The following LINGO2 variants were observed in gnomAD, a reference collection of about 807,000 sequenced individuals.
LINGO2 encodes the protein leucine-rich repeat and immunoglobulin-like domain-containing nogo receptor-interacting protein 2.
In LINGO2, 14 loss-of-function variants were observed where a neutral mutation model predicts 30.6. That is an observed-to-expected ratio of 0.46 (90% CI 0.30 to 0.72). LINGO2 has a LOEUF of 0.72. Ranked by LOEUF, LINGO2 falls within the 30% of genes least tolerant of loss-of-function variation. The pLI is 0.07. For missense variants in LINGO2, 729 were observed against 751.7 expected (o/e 0.97, Z 0.35); for synonymous variants, 317 against 288.5 (o/e 1.10, Z -1.00).
At chr9:28,215,647 G>A (rs1240560199) in intron 4 of LINGO2, among the ~76,000 whole-genome samples, 2 of 149,992 alleles carry the variant, frequency 1.3e-5, no homozygotes, top group Non-Finnish European at 1.5e-5. Flanking sequence ...GGTTGTGCAT[G>A]TGTCTTTGTG....
chr9:27,992,652 C>A (rs988480046), intron 5 of LINGO2, among the ~76,000 whole-genome samples: 2 of 151,950 alleles, frequency 1.3e-5, no homozygotes, highest in Admixed American at 1.3e-4. Context: ...ATACTATAAA[C>A]ACATTATACA....
intron 1 of LINGO2, among the ~76,000 whole-genome samples, chr9:28,543,150 A>G (rs1340174556): frequency 6.6e-6 from 1 of 152,130 alleles, no homozygotes; most frequent in East Asian, 1.9e-4. Flanking sequence ...GACAGTAGGG[A>G]ATATGAGACT....
At chr9:28,585,646 C>A (rs1369995379) in intron 1 of LINGO2, among the ~76,000 whole-genome samples, 1 of 151,986 alleles carries the variant, frequency 6.6e-6, no homozygotes, top group Non-Finnish European at 1.5e-5. Context: ...ATGATGTCCA[C>A]AAGTTAGCTG....
At chr9:28,608,565 T>G (rs879926407) in intron 1 of LINGO2, among the ~76,000 whole-genome samples, 4 of 151,958 alleles carry the variant, frequency 2.6e-5, no homozygotes, top group Non-Finnish European at 5.9e-5. Flanking sequence ...AGAACTAGGT[T>G]TGTTGAAGTT....
intron 1 of LINGO2, among the ~76,000 whole-genome samples, chr9:28,590,571 T>G (rs1270960407): frequency 5.9e-5 from 9 of 152,090 alleles, no homozygotes; most frequent in Non-Finnish European, 1.0e-4. Context: ...TCATCATCAC[T>G]GGCCATCAGA....
intron 3 of LINGO2, among the ~76,000 whole-genome samples, chr9:28,296,098 G>A (rs930045136): frequency 2.6e-5 from 4 of 152,302 alleles, no homozygotes; most frequent in Admixed American, 2.0e-4. Context: ...AATGTACCAC[G>A]TATTTAATGA....
At chr9:28,782,264 A>G in the LINGO2 span, among the ~76,000 whole-genome samples, 6 of 152,322 alleles carry the variant, frequency 3.9e-5, no homozygotes, top group East Asian at 9.6e-4. Context: ...AGAAATTTTC[A>G]TTAGAAACTC....
intron 1 of LINGO2, among the ~76,000 whole-genome samples, chr9:28,649,782 T>C (rs1037617366): frequency 6.6e-6 from 1 of 151,472 alleles, no homozygotes; most frequent in African/African-American, 2.4e-5. Flanking sequence ...ATTAAAAAAA[T>C]AAAAATACAA....
At chr9:28,919,177 C>T in the LINGO2 span, among the ~76,000 whole-genome samples, 1 of 152,140 alleles carries the variant, frequency 6.6e-6, no homozygotes, top group Non-Finnish European at 1.5e-5. Context: ...TACAAGTGCA[C>T]TGGCTGAACT....
chr9:28,316,476 A>T (rs997565339), intron 3 of LINGO2, among the ~76,000 whole-genome samples: 1 of 152,192 alleles, frequency 6.6e-6, no homozygotes, highest in Non-Finnish European at 1.5e-5. Context: ...GGAAGTAGGG[A>T]ATAGAGGCAA....
At chr9:28,771,521 G>GAT in the LINGO2 span, among the ~76,000 whole-genome samples, 1 of 148,278 alleles carries the variant, frequency 6.7e-6, no homozygotes, top group Non-Finnish European at 1.5e-5. Context: ...GAGAGAGAGA[G>GAT]ATTCAGAGAA....
intron 2 of LINGO2, among the ~76,000 whole-genome samples, chr9:28,378,054 T>C (rs1246777456): frequency 6.6e-6 from 1 of 152,242 alleles, no homozygotes; most frequent in Non-Finnish European, 1.5e-5. Context: ...AAATCATTTA[T>C]ACTTTCTATT....
chr9:27,980,668 G>C (rs1050972504), intron 5 of LINGO2, among the ~76,000 whole-genome samples: 3 of 151,804 alleles, frequency 2.0e-5, no homozygotes, highest in African/African-American at 7.3e-5. Flanking sequence ...TTCATTTCTG[G>C]TCCTCAGTGA....
rs187193934 is a variant in LINGO2, at chr9:28,259,474, C to A, written c.-87+35734G>T. 4.6e-5 allele frequency among the ~76,000 whole-genome samples: 7 copies of A among 151,620 alleles called. No homozygotes were observed. In the East Asian group the frequency reaches 1.4e-3, roughly 30 times the overall value. ...AAGAAGGGATGTTGATTTTACTTGC[C>A]GATAGCTTGGGGTCTGAGTTGGTGA... On this transcript the variant is annotated intron_variant, in intron 4 of 5. Coordinates refer to ENST00000379992, the Ensembl canonical transcript of LINGO2.
chr9:28,566,851 C>A (rs10117773), intron 1 of LINGO2, among the ~76,000 whole-genome samples: 43,458 of 152,024 alleles, frequency 0.29, 7,455 homozygotes, highest in African/African-American at 0.47. Flanking sequence ...ATGCTTTCAT[C>A]TAAAATATTT....
At chr9:28,631,647 A>T (rs1295875734) in intron 1 of LINGO2, among the ~76,000 whole-genome samples, 9 of 152,112 alleles carry the variant, frequency 5.9e-5, no homozygotes. Flanking sequence ...GAGAACGTTA[A>T]TATTTTATTG....
At chr9:28,691,996 A>T in the LINGO2 span, among the ~76,000 whole-genome samples, 1 of 152,162 alleles carries the variant, frequency 6.6e-6, no homozygotes, top group African/African-American at 2.4e-5. Flanking sequence ...ATCTAATCTC[A>T]TCCCTCATTA....
chr9:28,586,362 G>A (rs558531748), intron 1 of LINGO2, among the ~76,000 whole-genome samples: 20 of 151,942 alleles, frequency 1.3e-4, no homozygotes, highest in Admixed American at 1.2e-3. Flanking sequence ...ATTTTTTAAT[G>A]TGTTATCAAT....
At chr9:29,198,559 T>C in the LINGO2 span, among the ~76,000 whole-genome samples, 1 of 152,156 alleles carries the variant, frequency 6.6e-6, no homozygotes, top group Non-Finnish European at 1.5e-5. Context: ...AGTCCTCTCC[T>C]AAGACCAGTG....
Sources: allele counts gnomAD v4.1 joint callset (sites outside exome capture counted in the v4.1 genomes callset), GRCh38; gene constraint gnomAD v4.1.1; transcripts MANE v1.5; gene names NCBI Gene and HGNC (gene_info 2026-07-23, HGNC 2026-07-21).